The following SYNPR variants were observed in gnomAD, a reference collection of about 807,000 sequenced individuals.
SYNPR encodes the protein synaptoporin.
Under a neutral mutation model 32.9 loss-of-function variants are expected in SYNPR, and 23 were observed. The ratio of observed to expected loss-of-function variants is 0.70; its 90% CI spans 0.50 to 0.99. The LOEUF (loss-of-function observed/expected upper bound fraction) is 0.99, where lower values mean the gene tolerates loss of function less well. Among genes scored for constraint, SYNPR ranks in the 50% least tolerant of loss-of-function variants. The pLI is 0.00. For missense variants in SYNPR, 318 were observed against 349.3 expected (o/e 0.91, Z 0.71); for synonymous variants, 146 against 135.9 (o/e 1.07, Z -0.52).
intron 3 of SYNPR, among the ~76,000 whole-genome samples, chr3:63,487,608 T>C (rs2106709288): frequency 6.6e-6 from 1 of 152,324 alleles, no homozygotes; most frequent in South Asian, 2.1e-4. Flanking sequence ...ACCCTGCCTC[T>C]GCCTATATAA....
rs573199950 is a variant in SYNPR, at chr3:63,461,448, T to A, written c.85-19384T>A. ...TCCTTTTACTCGAGCAAGTCTGACA[T>A]CTTCTTACATCTTTGTCCTGGGCTT... On this transcript the variant is annotated intron_variant, in intron 2 of 5. Coordinates refer to ENST00000478300, the MANE Select transcript of SYNPR (RefSeq NM_001130003.2). Among the ~76,000 whole-genome samples, 5 of 152,230 alleles carry A rather than the reference T, an allele frequency of 3.3e-5. No homozygotes were observed. The East Asian group carries it at 9.7e-4, about 30-fold the overall frequency.
At chr3:63,426,213 C>A (rs971189374) in intron 2 of SYNPR, among the ~76,000 whole-genome samples, 6 of 152,068 alleles carry the variant, frequency 3.9e-5, no homozygotes, top group African/African-American at 1.4e-4. Flanking sequence ...AGGTTATATG[C>A]CTGTAAGTGG....
chr3:63,426,720 G>A (rs1699898441), intron 2 of SYNPR: 1 of 152,070 alleles, frequency 6.6e-6, no homozygotes, highest in Admixed American at 6.6e-5. Context: ...CACCAGTCTT[G>A]ACTTCCTCTG....
At chr3:63,369,293 C>T (rs2087767023) in intron 2 of SYNPR, among the ~76,000 whole-genome samples, 1 of 137,708 alleles carries the variant, frequency 7.3e-6, no homozygotes, top group African/African-American at 3.0e-5. Flanking sequence ...GCCTCCAGAA[C>T]TCTGAGAAAA....
intron 2 of SYNPR, among the ~76,000 whole-genome samples, chr3:63,423,248 G>A (rs1699830542): frequency 6.6e-6 from 1 of 152,282 alleles, no homozygotes; most frequent in Middle Eastern, 3.4e-3. Context: ...GGATTCAGAA[G>A]CAAGTATGGA....
rs80089650 is a variant in SYNPR at position 63,462,036 on chromosome 3, C to A, written c.85-18796C>A. Among the ~76,000 whole-genome samples, 1,270 of 152,178 alleles carry A rather than the reference C, an allele frequency of 8.3e-3. 57 individuals are homozygous for A. The East Asian group carries it at 0.13, about 16-fold the overall frequency. On this transcript the variant is annotated intron_variant, in intron 2 of 5. Coordinates refer to ENST00000478300, the MANE Select transcript of SYNPR (RefSeq NM_001130003.2). ...CCCATCCCGTCTTGCCTCAAGCCTCCTCTCATGCTATGCTTCCTCTTGGCC... is the reference window on the plus strand; with the variant it reads ...CCCATCCCGTCTTGCCTCAAGCCTCATCTCATGCTATGCTTCCTCTTGGCC...
intron 3 of SYNPR, among the ~76,000 whole-genome samples, chr3:63,506,173 TCTTTCCTTC>T (rs1403076730): frequency 1.3e-5 from 2 of 152,016 alleles, no homozygotes; most frequent in Non-Finnish European, 2.9e-5. Context: ...TTCTTTCCTT[TCTTTCCTTC>T]TCCTGACTTA....
intron 2 of SYNPR, among the ~76,000 whole-genome samples, chr3:63,289,923 G>A (rs187954848): frequency 6.6e-6 from 1 of 152,042 alleles, no homozygotes; most frequent in African/African-American, 2.4e-5. Flanking sequence ...AAGGTCAAGA[G>A]ATCGAGACCA....
At chr3:63,479,446 G>GCGCGCGCGCACACACACACACACA (rs6147854) in intron 2 of SYNPR, among the ~76,000 whole-genome samples, 6 of 135,742 alleles carry the variant, frequency 4.4e-5, no homozygotes, top group Admixed American at 2.8e-4. Flanking sequence ...CCACACACAT[G>GCGCGCGCGCACACACACACACACA]CACACACACA....
At chr3:63,583,054 G>C (rs533813662) in intron 4 of SYNPR, among the ~76,000 whole-genome samples, 8 of 152,070 alleles carry the variant, frequency 5.3e-5, no homozygotes, top group Admixed American at 4.6e-4. Context: ...ATAGGACTGG[G>C]GTAGGCAGTG....
chr3:63,366,883 G>A (rs1365345139), intron 2 of SYNPR, among the ~76,000 whole-genome samples: 1 of 152,182 alleles, frequency 6.6e-6, no homozygotes, highest in South Asian at 2.1e-4. Flanking sequence ...AAGATTAAAT[G>A]AGCAATAATA....
intron 3 of SYNPR, among the ~76,000 whole-genome samples, chr3:63,535,751 T>C (rs948238493): frequency 4.0e-5 from 6 of 150,450 alleles, no homozygotes; most frequent in Non-Finnish European, 8.9e-5. Flanking sequence ...AAAATGAAGT[T>C]GGCGCCCTAC....
At chr3:63,530,503 A>G (rs1170241924) in intron 3 of SYNPR, among the ~76,000 whole-genome samples, 2 of 152,246 alleles carry the variant, frequency 1.3e-5, no homozygotes, top group East Asian at 3.8e-4. Context: ...AATTGCTGTG[A>G]TGACTAATTT....
chr3:63,202,372 T>C, the SYNPR span, among the ~76,000 whole-genome samples: 1 of 152,182 alleles, frequency 6.6e-6, no homozygotes, highest in Non-Finnish European at 1.5e-5. Flanking sequence ...CACACCCTGC[T>C]TGCAGAATTG....
At chr3:63,290,945 C>T (rs867761307) in intron 2 of SYNPR, among the ~76,000 whole-genome samples, 11 of 152,250 alleles carry the variant, frequency 7.2e-5, no homozygotes, top group South Asian at 2.1e-4. Flanking sequence ...AGGATCTTTC[C>T]GGTTGAGACT....
intron 4 of SYNPR, among the ~76,000 whole-genome samples, chr3:63,557,810 T>C (rs1702620100): frequency 6.6e-6 from 1 of 152,170 alleles, no homozygotes; most frequent in African/African-American, 2.4e-5. Context: ...AAAATGGAAA[T>C]GAAATTTATG....
chr3:63,303,182 TA>T (rs34152136), intron 2 of SYNPR, among the ~76,000 whole-genome samples: 2,443 of 142,450 alleles, frequency 0.017, 26 homozygotes, highest in African/African-American at 0.032. Flanking sequence ...GAACTCAGGG[TA>T]AAAAAAAAAA....
intron 3 of SYNPR, among the ~76,000 whole-genome samples, chr3:63,517,205 A>G (rs1701816899): frequency 6.6e-6 from 1 of 152,170 alleles, no homozygotes; most frequent in Admixed American, 6.6e-5. Flanking sequence ...AACATAGCAT[A>G]GGGGTTCTAA....
chr3:63,420,950 G>A (rs1418926601), intron 2 of SYNPR, among the ~76,000 whole-genome samples: 1 of 152,098 alleles, frequency 6.6e-6, no homozygotes, highest in East Asian at 1.9e-4. Context: ...GCGTGATCAT[G>A]GCTCACTGCA....
Sources: allele counts gnomAD v4.1 joint callset (sites outside exome capture counted in the v4.1 genomes callset), GRCh38; gene constraint gnomAD v4.1.1; transcripts MANE v1.5; gene names NCBI Gene and HGNC (gene_info 2026-07-23, HGNC 2026-07-21).